Variants in PDGFRA observed in about 807,000 individuals in gnomAD.
PDGFRA encodes the protein platelet derived growth factor receptor alpha.
Under a neutral mutation model 121.5 loss-of-function variants are expected in PDGFRA, and 25 were observed. The observed-to-expected ratio is 0.21, with a 90% CI of 0.15 to 0.29. The LOEUF is 0.29. PDGFRA is among the 10% of genes least tolerant of loss of function. The probability of loss-of-function intolerance (pLI) is 1.00; values close to 1 mark genes in which losing one functional copy is unlikely to be tolerated. For synonymous variants in PDGFRA, 463 were observed against 494.8 expected, an observed-to-expected ratio of 0.94 and a Z score of 0.85; for missense variants, 1,008 against 1,345.1, an observed-to-expected ratio of 0.75 and a Z score of 3.92.
chr4:54,250,736 G>A (rs1445633597), intron 1 of PDGFRA, among the ~76,000 whole-genome samples: 2 of 152,076 alleles, frequency 1.3e-5, no homozygotes, highest in African/African-American at 4.8e-5. Flanking sequence ...GACTCTGATG[G>A]GTACTCTAAA....
chr4:54,294,037 T>C (rs1462703500), intron 22 of PDGFRA, among the ~76,000 whole-genome samples: 4 of 152,228 alleles, frequency 2.6e-5, no homozygotes, highest in Non-Finnish European at 5.9e-5. Flanking sequence ...AGCCCTTGTT[T>C]ATTTGTATGG....
At chr4:54,235,284 T>C (rs1577668313) in intron 1 of PDGFRA, among the ~76,000 whole-genome samples, 1 of 152,160 alleles carries the variant, frequency 6.6e-6, no homozygotes, top group East Asian at 1.9e-4. Context: ...TGGGGTGAAA[T>C]TCAATATTCA....
chr4:54,266,588 A>T (rs1723038869), intron 5 of PDGFRA, among the ~76,000 whole-genome samples: 1 of 152,130 alleles, frequency 6.6e-6, no homozygotes, highest in African/African-American at 2.4e-5. Flanking sequence ...CCATAGATAA[A>T]CATTGAATAA....
chr4:54,233,632 G>A (rs375987312), intron 1 of PDGFRA, among the ~76,000 whole-genome samples: 7 of 152,360 alleles, frequency 4.6e-5, no homozygotes, highest in African/African-American at 1.2e-4. Flanking sequence ...CGCAGGCTCT[G>A]TGTGGGCCCG....
At chr4:54,234,627 G>A (rs1481342759) in intron 1 of PDGFRA, among the ~76,000 whole-genome samples, 1 of 152,190 alleles carries the variant, frequency 6.6e-6, no homozygotes, top group African/African-American at 2.4e-5. Flanking sequence ...AATTTGTGTT[G>A]TGTTTCTCCT....
At chr4:54,281,299 G>C (rs1724067050) in intron 16 of PDGFRA, among the ~76,000 whole-genome samples, 1 of 152,206 alleles carries the variant, frequency 6.6e-6, no homozygotes, top group African/African-American at 2.4e-5. Context: ...ATGCAAAAAA[G>C]TGTTGAGCTG....
chr4:54,254,986 G>T (rs575183130), intron 1 of PDGFRA, among the ~76,000 whole-genome samples: 1 of 152,292 alleles, frequency 6.6e-6, no homozygotes, highest in Non-Finnish European at 1.5e-5. Flanking sequence ...TGGGCCGGGT[G>T]GGGGGCGGTG....
At chr4:54,265,370 A>T (rs1336637789) in intron 5 of PDGFRA, 5 of 338,522 alleles carry the variant, frequency 1.5e-5, no homozygotes, top group Non-Finnish European at 2.3e-5. Context: ...GAGCAAAAAA[A>T]CCACTGGATT....
intron 16 of PDGFRA, 100 bp downstream of exon 16, chr4:54,280,582 C>G (rs899040973): frequency 9.3e-6 from 9 of 962,820 alleles, no homozygotes; most frequent in Admixed American, 2.0e-5. Context: ...GGTAAGTGAA[C>G]CTGGCAGCCC....
intron 8 of PDGFRA, among the ~76,000 whole-genome samples, chr4:54,271,323 C>T (rs1723342445): frequency 6.6e-6 from 1 of 152,188 alleles, no homozygotes; most frequent in East Asian, 1.9e-4. Context: ...GTGATCCTCA[C>T]AGTAAAACCT....
chr4:54,233,128 C>G (rs939121647), intron 1 of PDGFRA, among the ~76,000 whole-genome samples: 1 of 152,292 alleles, frequency 6.6e-6, no homozygotes, highest in East Asian at 1.9e-4. Context: ...CGCAGAGCGT[C>G]GTGCCTGGGG....
intron 1 of PDGFRA, among the ~76,000 whole-genome samples, chr4:54,243,411 A>G (rs577066164): frequency 6.6e-6 from 1 of 152,376 alleles, no homozygotes; most frequent in South Asian, 2.1e-4. Context: ...GATTATAGGA[A>G]GGTGTGCCAG....
At chr4:54,254,013 T>C (rs2110223133) in intron 1 of PDGFRA, among the ~76,000 whole-genome samples, 1 of 152,306 alleles carries the variant, frequency 6.6e-6, no homozygotes. Context: ...TAGTGCCATG[T>C]TTCTCAGAAT....
Position 54,288,865 on chromosome 4 carries a change from G to T in PDGFRA, c.2741G>T (p.Arg914Leu), listed in dbSNP as rs1428997941. The stretch of plus-strand genomic sequence containing the variant: ...TACAATAAGATCAAGAGTGGGTACC[G>T]GATGGCCAAGCCTGACCACGCTACC... Reference protein sequence around the residue: ...TFYNKIKSGYRMAKPDHATSE... With the variant: ...TFYNKIKSGYLMAKPDHATSE... The change falls in exon 20 of 23, where the codon CGG becomes CTG. Residue 914 changes from arginine (R) to leucine (L), a missense_variant. By Grantham distance (102) the Arg-to-Leu change is moderately radical. Around this residue, in one of 5 missense-constraint regions of PDGFRA, gnomAD observed 204 missense variants for 243.0 expected, o/e 0.84. Transcript: ENST00000257290. 6.2e-7 allele frequency: 1 copy of T among 1,612,744 alleles called. No individual in the cohort carries two copies. Among genetic ancestry groups the T allele is most frequent in the African/African-American group, 1.3e-5 (1 of 74,878 alleles).
chr4:54,265,192 G>T, intron 5 of PDGFRA, 143 bp downstream of exon 5: 1 of 766,396 alleles, frequency 1.3e-6, no homozygotes. Flanking sequence ...GAACACATTT[G>T]ATTAAATGGC....
chr4:54,261,931 ATTTTTT>A (rs34880395), intron 3 of PDGFRA, among the ~76,000 whole-genome samples: 12 of 58,416 alleles, frequency 2.1e-4, no homozygotes, highest in South Asian at 6.5e-4. Flanking sequence ...ATATATATAT[ATTTTTT>A]TTTTTTTTGG....
Position 54,272,446 on chromosome 4 carries a change from A to C in PDGFRA, c.1290A>C (p.Gly430=). ...ATGATCACCATGGCTCAACTGGGGGACAGACGGTGAGGTGCACAGCTGAAG... is the reference window on the plus strand; with the variant it reads ...ATGATCACCATGGCTCAACTGGGGGCCAGACGGTGAGGTGCACAGCTGAAG... ...LVDDHHGSTG[G]QTVRCTAEGT... Residue 430 remains glycine (G), a synonymous_variant, in exon 9 of 23, where the codon GGA becomes GGC. Coordinates refer to ENST00000257290, the MANE Select transcript of PDGFRA (RefSeq NM_006206.6). 6.2e-7 allele frequency: 1 copy of C among 1,613,838 alleles called. No homozygotes were observed. Among genetic ancestry groups the C allele is most frequent in the Non-Finnish European group, 8.5e-7 (1 of 1,179,900 alleles).
At chr4:54,273,409 T>C (rs994198710) in intron 9 of PDGFRA, 128 bp from the exon 10 acceptor site, 2 of 737,918 alleles carry the variant, frequency 2.7e-6, no homozygotes, top group Middle Eastern at 3.5e-4. Context: ...GTAAAATAAA[T>C]CAGTGTGTAT....
At position 54,238,105 on chromosome 4, in the gene PDGFRA, C is replaced by T. The variant is rs573968667; in HGVS notation, c.-13+8690C>T. Among the ~76,000 whole-genome samples the T allele has an allele frequency of 5.3e-5, 8 of 152,318 alleles. 1 individual carries two copies. In the South Asian group the frequency reaches 1.7e-3, roughly 32 times the overall value. ...TTGGCTTAGTAAATAATGGTTTCTC[C>T]TTCTCTTACTTTGTTTTCTACATAC... On this transcript the variant is annotated intron_variant, in intron 1 of 22. Transcript: ENST00000257290.
Sources: allele counts gnomAD v4.1 joint callset (sites outside exome capture counted in the v4.1 genomes callset), GRCh38; gene constraint gnomAD v4.1.1; regional missense constraint gnomAD v4.1.1; transcripts MANE v1.5; gene names NCBI Gene and HGNC (gene_info 2026-07-23, HGNC 2026-07-21).